Variants in FCHSD1 observed in about 807,000 individuals in gnomAD.
The protein encoded by FCHSD1 is FCH and double SH3 domains 1.
Under a neutral mutation model 101.3 loss-of-function variants are expected in FCHSD1, and 109 were observed. That is an observed-to-expected ratio of 1.08 (90% CI 0.92 to 1.26). The LOEUF is 1.26. Ranked by LOEUF, FCHSD1 falls within the 50% of genes most tolerant of loss-of-function variation. The pLI, the probability that FCHSD1 is intolerant of heterozygous loss-of-function variation, is 0.00. For synonymous variants in FCHSD1, 291 were observed against 356.8 expected (o/e 0.82, Z 2.08); for missense variants, 820 against 895.8 (o/e 0.92, Z 1.08).
rs1282147377 is a variant in FCHSD1 at position 141,646,123 on chromosome 5, C to T, written c.1113G>A (p.Arg371=). 1 of 1,612,614 alleles carries T rather than the reference C, an allele frequency of 6.2e-7. No homozygotes were observed. The part of the protein sequence containing the change: ...SEREAPSIEQ[R]LQEVRESIRR... Reference sequence around the variant, plus strand: ...GGATGCTCTCTCGCACTTCCTGTAACCTCTGTTCTATGCTTGGAGCCTCCC... The same window carrying T: ...GGATGCTCTCTCGCACTTCCTGTAATCTCTGTTCTATGCTTGGAGCCTCCC... The change falls in exon 12 of 20, where the codon AGG becomes AGA. Residue 371 remains arginine, a synonymous_variant. Coordinates refer to ENST00000435817, the MANE Select transcript of FCHSD1 (RefSeq NM_033449.3).
chr5:141,645,063 G>A lies in FCHSD1; in HGVS notation c.1397C>T (p.Thr466Met), dbSNP rs769500524. ...FEEPAPQALA[T>M]RALPCPAHVV... ...GTGTGCAGGGCAGGGGAGGGCCCTCGTGGCCAGGGCTTGGGGGGCAGGCTC... is the reference window on the plus strand; with the variant it reads ...GTGTGCAGGGCAGGGGAGGGCCCTCATGGCCAGGGCTTGGGGGGCAGGCTC... Residue 466 changes from threonine to methionine, a missense_variant, in exon 14 of 20, where the codon ACG becomes ATG. Physicochemically the swap from Thr to Met is moderately conservative, Grantham distance 81. Transcript: ENST00000435817. 42 of 1,596,230 alleles carry A rather than the reference G, an allele frequency of 2.6e-5. No homozygotes were observed. The highest frequency in any genetic ancestry group is 4.5e-5 in the South Asian group (4 of 88,516).
rs529482734 is a variant in FCHSD1, at chr5:141,641,870, C to T, written c.1952-113G>A. The stretch of plus-strand genomic sequence containing the variant: ...TATTTGTTAAATTAATGGTCACCAT[C>T]CTAGACCATAAAATCCATCACTCTA... On this transcript the variant is annotated intron_variant, in intron 18 of 19. Coordinates refer to ENST00000435817, the MANE Select transcript of FCHSD1 (RefSeq NM_033449.3). The T allele has an allele frequency of 6.5e-6, 7 of 1,076,278 alleles. No homozygotes were observed. In the South Asian group the frequency reaches 9.6e-5, roughly 15 times the overall value. The allele number at this position is 1,076,278 out of a possible 1,614,324, so 66.7% of individuals were successfully genotyped here. A position where few individuals can be genotyped will look rare whatever the true frequency, so the allele number is the denominator to read the frequency against.
At chr5:141,645,616 A>G (rs545790675) in intron 13 of FCHSD1, among the ~76,000 whole-genome samples, 155 bp downstream of exon 13, 1 of 152,360 alleles carries the variant, frequency 6.6e-6, no homozygotes, top group Non-Finnish European at 1.5e-5. Context: ...TCTATGCCAG[A>G]AATTATGCAA....
chr5:141,641,342 G>C lies in FCHSD1; in HGVS notation c.*156C>G, dbSNP rs2099906876. On this transcript the variant is annotated 3_prime_UTR_variant, in exon 20 of 20. Coordinates refer to ENST00000435817, the MANE Select transcript of FCHSD1 (RefSeq NM_033449.3). ...AAAAAAGGAGTGGGTTCCAGCTCTA[G>C]AAATGGGAAGGGGCAAGTTTCCACC... is the stretch of plus-strand genomic sequence containing the variant. 1.7e-6 allele frequency: 1 copy of C among 601,644 alleles called. No individual in the cohort carries two copies. Among genetic ancestry groups the C allele is most frequent in the African/African-American group, 1.8e-5 (1 of 54,272 alleles). 37.3% of individuals were successfully genotyped at this position (601,644 alleles called of 1,614,324 possible).
At position 141,646,524 on chromosome 5, in the gene FCHSD1, A is replaced by G. The variant is rs531059048; in HGVS notation, c.1044+79T>C. 311 of 1,522,166 alleles carry G rather than the reference A, an allele frequency of 2.0e-4. No individual in the cohort carries two copies. The African/African-American group carries it at 3.7e-3, about 18-fold the overall frequency. The allele number at this position is 1,522,166 out of a possible 1,614,324, so 94.3% of individuals were successfully genotyped here. On this transcript the variant is annotated intron_variant, in intron 11 of 19. Coordinates refer to ENST00000435817, the MANE Select transcript of FCHSD1 (RefSeq NM_033449.3). ...CCTCTGTAGCTCCATGACACCCTCA[A>G]TGGCTCCAAGATCCCCTCTCTCAGC...
chr5:141,640,440 TGTGAG>T lies in FCHSD1; in HGVS notation c.*1053_*1057del. On this transcript the variant is annotated 3_prime_UTR_variant, in exon 20 of 20. Transcript: ENST00000435817. ...TCTCTACCACAGGGAGCAGGGAGTATGTGAGGTGAGTCTGCCTGAGCCCTAAATGA... is the reference window on the plus strand; with the variant it reads ...TCTCTACCACAGGGAGCAGGGAGTATGTGAGTCTGCCTGAGCCCTAAATGA... The T allele has an allele frequency of 6.2e-7, 1 of 1,614,190 alleles. No individual in the cohort carries two copies.
Position 141,645,081 on chromosome 5 carries a change from G to T in FCHSD1, c.1379C>A (p.Ala460Asp), listed in dbSNP as rs370399564. Residue 460 changes from alanine (A) to aspartate (D), a missense_variant, in exon 14 of 20, where the codon GCC becomes GAC. Ala to Asp is a moderately radical substitution (Grantham distance 126). Transcript: ENST00000435817. ...EETGELFEEP[A>D]PQALATRALP... ...GGCCCTCGTGGCCAGGGCTTGGGGG[G>T]CAGGCTCCTCAAAGAGCTCTCCCGT... 1.4e-5 allele frequency: 23 copies of T among 1,589,368 alleles called. No homozygotes were observed. Among genetic ancestry groups the T allele is most frequent in the Non-Finnish European group, 2.0e-5 (23 of 1,166,232 alleles).
chr5:141,648,778 A>G (rs1194434950), intron 7 of FCHSD1, among the ~76,000 whole-genome samples, 179 bp downstream of exon 7: 1 of 152,170 alleles, frequency 6.6e-6, no homozygotes, highest in Non-Finnish European at 1.5e-5. Context: ...TATTCTCTCC[A>G]TTTTATAGAA....
intron 18 of FCHSD1, chr5:141,642,472 A>G (rs1434091110): frequency 1.5e-6 from 1 of 655,420 alleles, no homozygotes; most frequent in Non-Finnish European, 2.7e-6. Flanking sequence ...CAATATATCC[A>G]TATGACAAAC....
chr5:141,641,532 G>T lies in FCHSD1; in HGVS notation c.2039C>A (p.Ala680Asp). The T allele has an allele frequency of 6.6e-7, 1 of 1,517,076 alleles. No individual in the cohort carries two copies. Among genetic ancestry groups the T allele is most frequent in the Non-Finnish European group, 8.8e-7 (1 of 1,131,704 alleles). The allele number at this position is 1,517,076 out of a possible 1,614,324, so 94.0% of individuals were successfully genotyped here. A position where few individuals can be genotyped will look rare whatever the true frequency, so the allele number is the denominator to read the frequency against. ...MRPPPPPPAK[A>D]PDPGHPDPLT is the part of the protein sequence containing the mutation. ...GGGATCTGGGTGGCCAGGATCCGGG[G>T]CTTTAGCCGGCGGGGGAGGTGGTGG... Residue 680 changes from alanine (A) to aspartate (D), a missense_variant, in exon 20 of 20, where the codon GCC (alanine) becomes GAC (aspartate). Coordinates refer to ENST00000435817, the MANE Select transcript of FCHSD1 (RefSeq NM_033449.3).
rs1026053171 is a variant in FCHSD1 at position 141,644,628 on chromosome 5, G to A, written c.1587C>T (p.Leu529=). ...VPERYLNFPD[L]SLPESSQDSD... is the part of the protein sequence containing the mutation. ...TGTCTTGGCTGCTCTCTGGGAGGGAGAGGTCCGGGAAGTTGAGATATCGCT... is the reference window on the plus strand; with the variant it reads ...TGTCTTGGCTGCTCTCTGGGAGGGAAAGGTCCGGGAAGTTGAGATATCGCT... Residue 529 remains leucine (L), a synonymous_variant, in exon 16 of 20, where the codon CTC becomes CTT. Coordinates refer to ENST00000435817, the MANE Select transcript of FCHSD1 (RefSeq NM_033449.3). The A allele has an allele frequency of 1.2e-6, 2 of 1,613,872 alleles. No individual in the cohort carries two copies. The highest frequency in any genetic ancestry group is 2.7e-5 in the African/African-American group (2 of 74,926).
chr5:141,648,546 A>C (rs996905975), intron 7 of FCHSD1, among the ~76,000 whole-genome samples: 3 of 152,180 alleles, frequency 2.0e-5, no homozygotes, highest in Non-Finnish European at 4.4e-5. Flanking sequence ...CTATTCAGAG[A>C]GGCCTCCCTC....
Position 141,648,960 on chromosome 5 carries a change from G to A in FCHSD1, c.573C>T (p.Thr191=). The A allele has an allele frequency of 6.2e-7, 1 of 1,613,846 alleles. No homozygotes were observed. Residue 191 remains threonine (T), a synonymous_variant, in exon 7 of 20, where the codon ACC becomes ACT. Transcript: ENST00000435817. The part of the protein sequence containing the change: ...HSRTSLQKLS[T]KLSAQSAQYS... ...CTCATGCCCTCATCCCTCGAACCTT[G>A]GTGCTCAGTTTCTGGAGACTGGTCC...
In FCHSD1 at chr5:141,640,493, C is replaced by G. The variant is rs1019400382; in HGVS notation, c.*1005G>C. On this transcript the variant is annotated 3_prime_UTR_variant, in exon 20 of 20. Coordinates refer to ENST00000435817, the MANE Select transcript of FCHSD1 (RefSeq NM_033449.3). ...TGAGGTAATCTCATCTTCCCATCACCTACTTAAACTATTTAAGCCTTTCGG... is the reference window on the plus strand; with the variant it reads ...TGAGGTAATCTCATCTTCCCATCACGTACTTAAACTATTTAAGCCTTTCGG... The G allele has an allele frequency of 2.5e-6, 4 of 1,613,882 alleles. No individual in the cohort carries two copies. In the African/African-American group the frequency reaches 5.3e-5, roughly 22 times the overall value.
Position 141,645,938 on chromosome 5 carries a change from A to T in FCHSD1, c.1150-6T>A, listed in dbSNP as rs1049971116. The T allele has an allele frequency of 6.4e-7, 1 of 1,560,368 alleles. No homozygotes were observed. Among genetic ancestry groups the T allele is most frequent in the Non-Finnish European group, 8.7e-7 (1 of 1,151,536 alleles). ...GCCCCCTTCACCTGGCTCACCTGCC[A>T]TGGGGAGGAAGTAAGTTAGTGGAAC... On this transcript the variant is annotated splice_polypyrimidine_tract_variant and splice_region_variant and intron_variant, in intron 12 of 19. Transcript: ENST00000435817.
chr5:141,645,123 A>G lies in FCHSD1; in HGVS notation c.1337T>C (p.Phe446Ser), dbSNP rs1562387549. 2 of 1,562,164 alleles carry G rather than the reference A, an allele frequency of 1.3e-6. No individual in the cohort carries two copies. Among genetic ancestry groups the G allele is most frequent in the African/African-American group, 2.7e-5 (2 of 73,418 alleles). Reference sequence around the variant, plus strand: ...CTCTCCCGTCTCCTCACATTCCTCAAAGTCAGAAAGCTCAGCATCCTCAGC... The same window carrying G: ...CTCTCCCGTCTCCTCACATTCCTCAGAGTCAGAAAGCTCAGCATCCTCAGC... ...PTAEDAELSD[F>S]EECEETGELF... Residue 446 changes from phenylalanine (F) to serine (S), a missense_variant, in exon 14 of 20, where the codon TTT (phenylalanine) becomes TCT (serine). By Grantham distance (155) the Phe-to-Ser change is radical (BLOSUM62 -2). Transcript: ENST00000435817.
chr5:141,646,339 G>A, intron 11 of FCHSD1, 148 bp from the exon 12 acceptor site: 2 of 953,308 alleles, frequency 2.1e-6, no homozygotes, highest in Admixed American at 4.1e-5. Context: ...CTACTTTAGT[G>A]ATGAGGAAAT....
At position 141,647,173 on chromosome 5, in the gene FCHSD1, T is replaced by G. The variant is rs2099907764; in HGVS notation, c.886A>C (p.Thr296Pro). The G allele has an allele frequency of 2.5e-6, 4 of 1,609,118 alleles. No homozygotes were observed. The highest frequency in any genetic ancestry group is 3.4e-6 in the Non-Finnish European group (4 of 1,177,870). Reference sequence around the variant, plus strand: ...GCTGGCTGAAACTGCTGAGGTGGGGTGGGGGAAAATACACCAGGCTCCTGA... The same window carrying G: ...GCTGGCTGAAACTGCTGAGGTGGGGGGGGGGAAAATACACCAGGCTCCTGA... ...FLQEPGVFSP[T>P]PPQQFQPAGT... The change falls in exon 10 of 20, where the codon ACC becomes CCC. Residue 296 changes from threonine (T) to proline (P), a missense_variant. Coordinates refer to ENST00000435817, the MANE Select transcript of FCHSD1 (RefSeq NM_033449.3).
At chr5:141,650,938 T>C in intron 2 of FCHSD1, 82 bp downstream of exon 2, 1 of 1,364,258 alleles carries the variant, frequency 7.3e-7, no homozygotes, top group Non-Finnish European at 1.0e-6. Context: ...CCCCTGTTCC[T>C]CCACCCCAGC....
Sources: gnomAD v4.1 joint callset for allele counts (sites outside exome capture counted in the v4.1 genomes callset) on GRCh38, gnomAD v4.1.1 for gene constraint, MANE v1.5 for transcripts, NCBI Gene and HGNC (gene_info 2026-07-23, HGNC 2026-07-21) for gene names.